DSCAM: variants seen among roughly 807,000 people sequenced by gnomAD.
DSCAM encodes the protein cell adhesion molecule DSCAM.
A neutral mutation model predicts 217.7 loss-of-function variants in DSCAM; 47 were observed. That is an observed-to-expected ratio of 0.22 (90% CI 0.17 to 0.28). The LOEUF is 0.28. Among genes scored for constraint, DSCAM ranks in the 10% least tolerant of loss-of-function variants. The probability of loss-of-function intolerance (pLI) is 1.00; values close to 1 mark genes in which losing one functional copy is unlikely to be tolerated. For synonymous variants in DSCAM, 1,056 were observed against 1,015.3 expected (o/e 1.04, Z -0.76); for missense variants, 2,080 against 2,618.3 (o/e 0.79, Z 4.49).
chr21:40,507,858 C>T (rs1341576189), intron 3 of DSCAM, among the ~76,000 whole-genome samples: 1 of 152,092 alleles, frequency 6.6e-6, no homozygotes, highest in Admixed American at 6.6e-5. Flanking sequence ...TCTGGACAGC[C>T]TATCACAGAG....
At chr21:40,334,592 C>A (rs1340856547) in intron 8 of DSCAM, among the ~76,000 whole-genome samples, 1 of 152,156 alleles carries the variant, frequency 6.6e-6, no homozygotes, top group African/African-American at 2.4e-5. Context: ...TACTTGCCCC[C>A]TTTCCCCGAA....
intron 16 of DSCAM, among the ~76,000 whole-genome samples, chr21:40,166,938 T>G (rs1164042579): frequency 1.3e-5 from 2 of 151,480 alleles, no homozygotes; most frequent in Non-Finnish European, 2.9e-5. Context: ...ACATCAATTT[T>G]ACTATTTCTG....
intron 4 of DSCAM, among the ~76,000 whole-genome samples, chr21:40,358,457 C>T (rs1439878678): frequency 1.3e-5 from 2 of 151,884 alleles, no homozygotes; most frequent in African/African-American, 2.4e-5. Flanking sequence ...AGTTCTTAGG[C>T]ATAACACTAA....
At chr21:40,533,026 G>C (rs1201073014) in intron 3 of DSCAM, among the ~76,000 whole-genome samples, 1 of 151,906 alleles carries the variant, frequency 6.6e-6, no homozygotes, top group Admixed American at 6.6e-5. Context: ...ACAGACGTGG[G>C]TTAAAATAAA....
chr21:40,393,094 C>T (rs2075148602), intron 3 of DSCAM, among the ~76,000 whole-genome samples: 1 of 152,170 alleles, frequency 6.6e-6, no homozygotes, highest in Non-Finnish European at 1.5e-5. Context: ...ATATCGGCTC[C>T]AAATTGAGAC....
At chr21:40,578,093 G>T (rs1297136234) in intron 3 of DSCAM, among the ~76,000 whole-genome samples, 1 of 152,140 alleles carries the variant, frequency 6.6e-6, no homozygotes, top group Non-Finnish European at 1.5e-5. Flanking sequence ...CCAGGTATTT[G>T]CAAGGATTGG....
chr21:40,130,518 TG>T (rs1449458704), intron 19 of DSCAM, among the ~76,000 whole-genome samples: 1 of 152,102 alleles, frequency 6.6e-6, no homozygotes, highest in Non-Finnish European at 1.5e-5. Flanking sequence ...ACTACAGGCA[TG>T]AGAATATGTC....
At chr21:40,636,851 T>G (rs2083599777) in intron 3 of DSCAM, among the ~76,000 whole-genome samples, 1 of 149,314 alleles carries the variant, frequency 6.7e-6, no homozygotes, top group Admixed American at 6.8e-5. Context: ...CTGTCATCAG[T>G]GTTCCCGGAT....
At chr21:40,062,493 G>A (rs547393851) in intron 28 of DSCAM, among the ~76,000 whole-genome samples, 42 of 152,304 alleles carry the variant, frequency 2.8e-4, no homozygotes, top group African/African-American at 8.2e-4. Context: ...TTCCTTTTGT[G>A]CTTTTCTTTT....
At chr21:40,139,829 C>A (rs1216241112) in intron 18 of DSCAM, among the ~76,000 whole-genome samples, 1 of 138,716 alleles carries the variant, frequency 7.2e-6, no homozygotes, top group African/African-American at 2.7e-5. Flanking sequence ...GTGTGGTATG[C>A]GTGGTGTGGT....
intron 1 of DSCAM, among the ~76,000 whole-genome samples, chr21:40,756,895 C>T (rs369852227): frequency 9.9e-5 from 15 of 151,718 alleles, no homozygotes; most frequent in Non-Finnish European, 1.5e-4. Flanking sequence ...GCAAGCCAGA[C>T]GATATAACTC....
At chr21:40,068,185 T>C (rs2837415) in intron 27 of DSCAM, among the ~76,000 whole-genome samples, 41,463 of 152,006 alleles carry the variant, frequency 0.27, 6,235 homozygotes, top group East Asian at 0.42. Flanking sequence ...ACACTCTGAA[T>C]GCTGCAAAGA....
chr21:40,083,257 C>T (rs912745379), intron 24 of DSCAM, among the ~76,000 whole-genome samples: 25 of 152,302 alleles, frequency 1.6e-4, no homozygotes, highest in Middle Eastern at 3.4e-3. Context: ...GGCAAAACCC[C>T]GTCTCTAGTA....
chr21:40,414,767 G>A lies in DSCAM; in HGVS notation c.509-45522C>T, dbSNP rs377279586. Among the ~76,000 whole-genome samples the A allele has an allele frequency of 3.3e-5, 5 of 152,224 alleles. No homozygotes were observed. In the East Asian group the frequency reaches 5.8e-4, roughly 18 times the overall value. On this transcript the variant is annotated intron_variant, in intron 3 of 32. Coordinates refer to ENST00000400454, the MANE Select transcript of DSCAM (RefSeq NM_001389.5). ...TATCTCGAGTGAGTCATTACCTGCC[G>A]ACATGAACCTGCCTAAGGCAACAAA...
At chr21:40,467,093 G>T (rs945361797) in intron 3 of DSCAM, among the ~76,000 whole-genome samples, 2 of 152,126 alleles carry the variant, frequency 1.3e-5, no homozygotes, top group African/African-American at 4.8e-5. Flanking sequence ...GGCCACCAGA[G>T]GGCTCCCAGA....
chr21:40,059,503 C>G (rs1170729099), intron 28 of DSCAM, among the ~76,000 whole-genome samples: 1 of 152,152 alleles, frequency 6.6e-6, no homozygotes, highest in Admixed American at 6.5e-5. Context: ...GCTGCCAGGC[C>G]AGGAATCCCT....
Position 40,338,025 on chromosome 21 carries a change from C to T in DSCAM, c.1783+76G>A, listed in dbSNP as rs146011887. ...CTAAATAAGCAGATCTTGGATTACC[C>T]GACTTCAAATCATTGGTCTGGGAAG... On this transcript the variant is annotated intron_variant, in intron 8 of 32. Transcript: ENST00000400454. 113 of 1,555,474 alleles carry T rather than the reference C, an allele frequency of 7.3e-5. No homozygotes were observed. In the African/African-American group the frequency reaches 1.3e-3, roughly 18 times the overall value.
chr21:40,414,661 G>C (rs1403356347), intron 3 of DSCAM, among the ~76,000 whole-genome samples: 1 of 152,128 alleles, frequency 6.6e-6, no homozygotes, highest in Non-Finnish European at 1.5e-5. Flanking sequence ...AGTGCAACCT[G>C]CAGTGTGAAA....
intron 3 of DSCAM, among the ~76,000 whole-genome samples, chr21:40,388,300 A>G (rs368551460): frequency 6.6e-6 from 1 of 152,220 alleles, no homozygotes; most frequent in African/African-American, 2.4e-5. Flanking sequence ...AGTGATAATA[A>G]TGGCAAATAT....
Sources: gnomAD v4.1 joint callset for allele counts (sites outside exome capture counted in the v4.1 genomes callset) on GRCh38, gnomAD v4.1.1 for gene constraint, MANE v1.5 for transcripts, NCBI Gene and HGNC (gene_info 2026-07-23, HGNC 2026-07-21) for gene names.